Variants in ACAN observed in about 807,000 individuals in gnomAD.
ACAN encodes aggrecan.
Under a neutral mutation model 169.1 loss-of-function variants are expected in ACAN, and 47 were observed. The ratio of observed to expected loss-of-function variants is 0.28; its 90% CI spans 0.22 to 0.35. ACAN has a LOEUF of 0.35. ACAN is among the 10% of genes least tolerant of loss of function. ACAN has a pLI of 1.00. For missense variants in ACAN, 2,716 were observed against 2,759.9 expected, an observed-to-expected ratio of 0.98 and a Z score of 0.36; for synonymous variants, 1,115 against 1,112.2, an observed-to-expected ratio of 1.00 and a Z score of -0.05.
In ACAN at chr15:88,870,317, A is replaced by G. The variant is rs1897351266; in HGVS notation, c.7061-1065A>G. Among the ~76,000 whole-genome samples, 1 of 152,198 alleles carries G rather than the reference A, an allele frequency of 6.6e-6. No homozygotes were observed. Among genetic ancestry groups the G allele is most frequent in the African/African-American group, 2.4e-5 (1 of 41,438 alleles). On this transcript the variant is annotated intron_variant, in intron 14 of 18. Coordinates refer to ENST00000560601, the MANE Select transcript of ACAN (RefSeq NM_001369268.1). This position sits in a 1 kb window ranked among gnomAD's most constrained non-coding sequence, Gnocchi z 6.3. Reference sequence around the variant, plus strand: ...GTGGCACCCAATCAGGGAGACCACCATGCAGCCTGAGGGGTTTGTGACCCT... The same window carrying G: ...GTGGCACCCAATCAGGGAGACCACCGTGCAGCCTGAGGGGTTTGTGACCCT...
At chr15:88,826,090 C>T (rs910047354) in intron 1 of ACAN, among the ~76,000 whole-genome samples, 2 of 152,186 alleles carry the variant, frequency 1.3e-5, no homozygotes, top group Non-Finnish European at 2.9e-5. Flanking sequence ...GCCAGAGGTA[C>T]GCGGTCTCTC....
intron 1 of ACAN, among the ~76,000 whole-genome samples, chr15:88,817,021 G>T (rs1055048846): frequency 6.6e-6 from 1 of 152,082 alleles, no homozygotes; most frequent in African/African-American, 2.4e-5. Flanking sequence ...ATCCCCAGTC[G>T]GCTGCCACCT....
rs1596141671 is a variant in ACAN, at chr15:88,851,735, G to C, written c.2027-59G>C. On this transcript the variant is annotated intron_variant, in intron 10 of 18. Transcript: ENST00000560601. This position sits in a 1 kb window ranked among gnomAD's most constrained non-coding sequence, Gnocchi z 4.3. ...CCCTAGCTCCCCTCAAGAAGGGCCA[G>C]CCAAGGACGGGTCACTGGTAAGAGA... is the stretch of plus-strand genomic sequence containing the variant. 6.7e-7 allele frequency: 1 copy of C among 1,500,760 alleles called. No homozygotes were observed. Among genetic ancestry groups the C allele is most frequent in the Non-Finnish European group, 8.9e-7 (1 of 1,119,606 alleles). The allele number at this position is 1,500,760 out of a possible 1,614,324, so 93.0% of individuals were successfully genotyped here.
chr15:88,832,924 C>T (rs2063924), intron 1 of ACAN, among the ~76,000 whole-genome samples: 56,419 of 152,034 alleles, frequency 0.37, 11,508 homozygotes, highest in Middle Eastern at 0.54. Context: ...AAACAGTGTC[C>T]GGCCTGGAGG....
Position 88,863,649 on chromosome 15 carries a change from A to G in ACAN, c.6946+3210A>G, listed in dbSNP as rs553836566. On this transcript the variant is annotated intron_variant, in intron 13 of 18. Transcript: ENST00000560601. ...CTTAAACTGAATCAGTTTCCTTCCT[A>G]TCTTACTGCTATTTTTCAGTTTCTA... Among the ~76,000 whole-genome samples the G allele has an allele frequency of 5.9e-5, 9 of 152,186 alleles. No homozygotes were observed. In the South Asian group the frequency reaches 1.5e-3, roughly 25 times the overall value.
chr15:88,821,781 G>T (rs1567167137), intron 1 of ACAN, among the ~76,000 whole-genome samples: 1 of 152,160 alleles, frequency 6.6e-6, no homozygotes, highest in Non-Finnish European at 1.5e-5. Flanking sequence ...TGACCTCATG[G>T]ATCAGGGTGG....
intron 11 of ACAN, among the ~76,000 whole-genome samples, chr15:88,853,346 A>G (rs1896972385): frequency 6.6e-6 from 1 of 152,190 alleles, no homozygotes; most frequent in African/African-American, 2.4e-5. Context: ...TTTAAAAAAA[A>G]GAAATGTAGG....
intron 13 of ACAN, among the ~76,000 whole-genome samples, chr15:88,862,997 CAA>C (rs57598410): frequency 0.022 from 1,623 of 73,766 alleles, 35 homozygotes; most frequent in African/African-American, 0.067. Context: ...CACTCGGTCT[CAA>C]AAAAAAAAAA....
chr15:88,867,982 G>GT (rs1443222323), intron 13 of ACAN, among the ~76,000 whole-genome samples: 2 of 152,188 alleles, frequency 1.3e-5, no homozygotes, highest in Non-Finnish European at 2.9e-5. Flanking sequence ...AGTGCTCCAA[G>GT]TTTACCAATC....
chr15:88,870,163 C>A lies in ACAN; in HGVS notation c.7061-1219C>A, dbSNP rs1482696971. ...CTGTTCTTTCTTCTCAAGCTGCTGA[C>A]CCCCTGTTCTGCTCTCCCTCCACTG... On this transcript the variant is annotated intron_variant, in intron 14 of 18. Coordinates refer to ENST00000560601, the MANE Select transcript of ACAN (RefSeq NM_001369268.1). The surrounding 1 kb of genome is among the most constrained non-coding windows in gnomAD (Gnocchi z 6.3). Among the ~76,000 whole-genome samples the A allele has an allele frequency of 1.3e-5, 2 of 152,170 alleles. No homozygotes were observed. Among genetic ancestry groups the A allele is most frequent in the Non-Finnish European group, 2.9e-5 (2 of 68,040 alleles).
chr15:88,857,434 G>A lies in ACAN; in HGVS notation c.4849G>A (p.Gly1617Arg), dbSNP rs375929386. 48 of 1,613,908 alleles carry A rather than the reference G, an allele frequency of 3.0e-5. 1 individual carries two copies. In the African/African-American group the frequency reaches 3.5e-4, roughly 12 times the overall value. The change falls in exon 12 of 19, where the codon GGG becomes AGG. Residue 1617 changes from glycine to arginine, a missense_variant. Transcript: ENST00000560601. ...ACTGCCTTCTGGAACTCTAGGAAGTGGGCAAGCTCCAGAAACAAGTGGTCT... is the reference window on the plus strand; with the variant it reads ...ACTGCCTTCTGGAACTCTAGGAAGTAGGCAAGCTCCAGAAACAAGTGGTCT... ...GKLPSGTLGS[G>R]QAPETSGLPS...
chr15:88,810,192 T>C (rs1895785659), intron 1 of ACAN, among the ~76,000 whole-genome samples: 1 of 152,106 alleles, frequency 6.6e-6, no homozygotes, highest in African/African-American at 2.4e-5. Flanking sequence ...GCAGGTCCCA[T>C]TCCAGCCAGT....
At chr15:88,853,967 G>GGCCC (rs1409848981) in intron 11 of ACAN, among the ~76,000 whole-genome samples, 1 of 151,978 alleles carries the variant, frequency 6.6e-6, no homozygotes, top group African/African-American at 2.4e-5. Context: ...AGTGCTCAGG[G>GGCCC]GCCCCATCTG....
intron 1 of ACAN, among the ~76,000 whole-genome samples, chr15:88,828,975 A>T (rs1896293569): frequency 6.6e-6 from 1 of 152,218 alleles, no homozygotes; most frequent in African/African-American, 2.4e-5. Flanking sequence ...CCTCTGTCTT[A>T]GCACAGAGCT....
intron 1 of ACAN, among the ~76,000 whole-genome samples, chr15:88,806,835 G>T (rs1895695113): frequency 6.6e-6 from 1 of 152,080 alleles, no homozygotes; most frequent in South Asian, 2.1e-4. Context: ...CAGGTTGTGA[G>T]ATCAATTTAG....
intron 1 of ACAN, among the ~76,000 whole-genome samples, chr15:88,809,479 A>G (rs972836852): frequency 1.3e-5 from 2 of 152,226 alleles, no homozygotes; most frequent in African/African-American, 4.8e-5. Flanking sequence ...AAGCCGATGC[A>G]GGCACCTTTG....
In ACAN at chr15:88,874,447, A is replaced by G. The variant is rs775633191; in HGVS notation, c.7673A>G (p.His2558Arg). Residue 2558 changes from histidine (H) to arginine (R), a missense_variant, in exon 19 of 19, where the codon CAC (histidine) becomes CGC (arginine). Physicochemically the swap from His to Arg is conservative, Grantham distance 29. Around this residue, in one of 3 missense-constraint regions of ACAN, gnomAD observed 1,389 missense variants for 1,363.7 expected, o/e 1.02. Transcript: ENST00000560601. This position sits in a 1 kb window ranked among gnomAD's most constrained non-coding sequence, Gnocchi z 7.3. ...KRRLQKRSSR[H>R]PRRSRPSTAH ...AGACTACAGAAGCGGAGCTCACGGCACCCTCGGAGGAGCCGCCCCAGCACA... is the reference window on the plus strand; with the variant it reads ...AGACTACAGAAGCGGAGCTCACGGCGCCCTCGGAGGAGCCGCCCCAGCACA... 9 of 1,606,744 alleles carry G rather than the reference A, an allele frequency of 5.6e-6. No homozygotes were observed. The highest frequency in any genetic ancestry group is 7.6e-6 in the Non-Finnish European group (9 of 1,177,148).
Position 88,831,895 on chromosome 15 carries a change from C to T in ACAN, c.-7-4305C>T, listed in dbSNP as rs564302509. Reference sequence around the variant, plus strand: ...CAGGAATGTCTCCATGGAGGAACAGCAGGCAGGAAGCAGATTGGACCTCTG... The same window carrying T: ...CAGGAATGTCTCCATGGAGGAACAGTAGGCAGGAAGCAGATTGGACCTCTG... On this transcript the variant is annotated intron_variant, in intron 1 of 18. Transcript: ENST00000560601. Among the ~76,000 whole-genome samples, 6 of 152,282 alleles carry T rather than the reference C, an allele frequency of 3.9e-5. No individual in the cohort carries two copies. The East Asian group carries it at 7.7e-4, about 20-fold the overall frequency.
rs1897289362 is a variant in ACAN, at chr15:88,866,909, T to A, written c.6947-1307T>A. Among the ~76,000 whole-genome samples the A allele has an allele frequency of 6.6e-6, 1 of 152,182 alleles. No individual in the cohort carries two copies. Among genetic ancestry groups the A allele is most frequent in the Non-Finnish European group, 1.5e-5 (1 of 68,016 alleles). ...CAGAGCCCACCTACAGACATGTCACTGGATCTGGAAGGCTGTGTGAACACA... is the reference window on the plus strand; with the variant it reads ...CAGAGCCCACCTACAGACATGTCACAGGATCTGGAAGGCTGTGTGAACACA... On this transcript the variant is annotated intron_variant, in intron 13 of 18. Coordinates refer to ENST00000560601, the MANE Select transcript of ACAN (RefSeq NM_001369268.1). The surrounding 1 kb of genome is among the most constrained non-coding windows in gnomAD (Gnocchi z 5.6).
Sources: gnomAD v4.1 joint callset for allele counts (sites outside exome capture counted in the v4.1 genomes callset) on GRCh38, gnomAD v4.1.1 for gene constraint, gnomAD v4.1.1 regional missense constraint, Gnocchi (gnomAD v3.1) non-coding constraint, MANE v1.5 for transcripts, NCBI Gene and HGNC (gene_info 2026-07-23, HGNC 2026-07-21) for gene names.